DCC: variants seen among roughly 807,000 people sequenced by gnomAD.
DCC encodes DCC netrin 1 receptor.
Under a neutral mutation model 172.5 loss-of-function variants are expected in DCC, and 58 were observed. That is an observed-to-expected ratio of 0.34 (90% CI 0.27 to 0.42). DCC has a LOEUF of 0.42. Among genes scored for constraint, DCC ranks in the 10% least tolerant of loss-of-function variants. The pLI is 1.00. For missense variants in DCC, 1,740 were observed against 1,791.0 expected (o/e 0.97, Z 0.51); for synonymous variants, 709 against 644.5 (o/e 1.10, Z -1.52).
At chr18:52,962,433 A>G (rs1234763786) in intron 5 of DCC, among the ~76,000 whole-genome samples, 2 of 149,814 alleles carry the variant, frequency 1.3e-5, no homozygotes, top group Non-Finnish European at 3.0e-5. Context: ...TAGAATGGCA[A>G]TCATTAAAAA....
chr18:52,411,735 T>C (rs896834634), intron 1 of DCC, among the ~76,000 whole-genome samples: 1 of 152,170 alleles, frequency 6.6e-6, no homozygotes, highest in Admixed American at 6.6e-5. Flanking sequence ...GGCAATTTTC[T>C]GGGCACAAAT....
intron 2 of DCC, among the ~76,000 whole-genome samples, chr18:52,754,621 CT>C (rs2037051281): frequency 6.6e-6 from 1 of 152,214 alleles, no homozygotes; most frequent in South Asian, 2.1e-4. Context: ...AAATCAATGT[CT>C]GTTGTTTACA....
intron 2 of DCC, among the ~76,000 whole-genome samples, chr18:52,903,777 C>T (rs1463277785): frequency 8.5e-5 from 13 of 152,188 alleles, no homozygotes; most frequent in Admixed American, 8.5e-4. Context: ...TCATATCTGT[C>T]ACTACTCATT....
At chr18:53,092,840 T>G (rs2043033625) in intron 7 of DCC, among the ~76,000 whole-genome samples, 1 of 152,090 alleles carries the variant, frequency 6.6e-6, no homozygotes. Context: ...CCGAAACAAC[T>G]TGTTAAGGAA....
At chr18:52,882,014 C>T (rs897036109) in intron 2 of DCC, among the ~76,000 whole-genome samples, 1 of 151,984 alleles carries the variant, frequency 6.6e-6, no homozygotes, top group African/African-American at 2.4e-5. Flanking sequence ...AGATCTTTCA[C>T]TTCTTTGGTT....
chr18:52,698,685 A>G lies in DCC; in HGVS notation c.92-53369A>G, dbSNP rs182305811. ...ACAACCTCTGCTCACTGCAACCTCC[A>G]CCTCCCGGGTTCAAGCAATTCTCCT... is the stretch of plus-strand genomic sequence containing the variant. On this transcript the variant is annotated intron_variant, in intron 1 of 28. Transcript: ENST00000442544. Among the ~76,000 whole-genome samples, 25 of 147,712 alleles carry G rather than the reference A, an allele frequency of 1.7e-4. No homozygotes were observed. In the East Asian group the frequency reaches 3.6e-3, roughly 21 times the overall value.
At chr18:53,034,701 T>G (rs1234027687) in intron 5 of DCC, among the ~76,000 whole-genome samples, 1 of 73,832 alleles carries the variant, frequency 1.4e-5, no homozygotes, top group East Asian at 5.3e-4. Context: ...CTGCTCCAAC[T>G]TTTTTTTTTT....
At chr18:52,551,291 A>C (rs1475142490) in intron 1 of DCC, among the ~76,000 whole-genome samples, 1 of 151,988 alleles carries the variant, frequency 6.6e-6, no homozygotes, top group Non-Finnish European at 1.5e-5. Context: ...GAAAAGAAAA[A>C]GGTAGCAAGG....
chr18:52,706,735 G>A (rs1047795165), intron 1 of DCC, among the ~76,000 whole-genome samples: 5 of 152,162 alleles, frequency 3.3e-5, no homozygotes, highest in Admixed American at 6.5e-5. Flanking sequence ...GCTATGTACT[G>A]GAAAGGGAGA....
At chr18:53,261,504 C>T (rs747892495) in intron 12 of DCC, among the ~76,000 whole-genome samples, 3 of 152,160 alleles carry the variant, frequency 2.0e-5, no homozygotes, top group Non-Finnish European at 2.9e-5. Context: ...ATCACCACAA[C>T]TTAATCTGAT....
intron 1 of DCC, among the ~76,000 whole-genome samples, chr18:52,494,164 T>C (rs1043815123): frequency 1.3e-5 from 2 of 152,116 alleles, no homozygotes; most frequent in Non-Finnish European, 2.9e-5. Context: ...AGGTCAACTA[T>C]TATTTCTCCT....
intron 1 of DCC, among the ~76,000 whole-genome samples, chr18:52,604,978 C>G (rs1320060291): frequency 6.6e-6 from 1 of 151,592 alleles, no homozygotes; most frequent in African/African-American, 2.4e-5. Context: ...GCACACTCAT[C>G]TGTTTGGGGC....
intron 5 of DCC, among the ~76,000 whole-genome samples, chr18:52,977,740 C>A (rs55704566): frequency 1.3e-5 from 2 of 151,590 alleles, no homozygotes; most frequent in Non-Finnish European, 2.9e-5. Context: ...AAAAAATTAG[C>A]CGGACGTGGT....
At chr18:52,873,707 T>G (rs1387700255) in intron 2 of DCC, among the ~76,000 whole-genome samples, 1 of 152,174 alleles carries the variant, frequency 6.6e-6, no homozygotes, top group African/African-American at 2.4e-5. Flanking sequence ...GTCTTGTGGG[T>G]ATATGACAAT....
At chr18:53,022,537 A>ATGTGTGTG (rs1480008540) in intron 5 of DCC, among the ~76,000 whole-genome samples, 1 of 109,826 alleles carries the variant, frequency 9.1e-6, no homozygotes, top group African/African-American at 3.4e-5. Flanking sequence ...TTTTATATAT[A>ATGTGTGTG]TATGTGCGTG....
At chr18:52,427,465 A>G (rs1299424259) in intron 1 of DCC, among the ~76,000 whole-genome samples, 1 of 152,164 alleles carries the variant, frequency 6.6e-6, no homozygotes, top group Non-Finnish European at 1.5e-5. Context: ...GATTTGGATC[A>G]GTTATACCCA....
intron 9 of DCC, among the ~76,000 whole-genome samples, chr18:53,201,560 A>G (rs1373290296): frequency 2.6e-5 from 4 of 152,222 alleles, no homozygotes; most frequent in Non-Finnish European, 4.4e-5. Flanking sequence ...GAATATATCA[A>G]TAATAGTATA....
chr18:52,423,615 C>A (rs923507691), intron 1 of DCC, among the ~76,000 whole-genome samples: 24 of 151,954 alleles, frequency 1.6e-4, no homozygotes, highest in African/African-American at 5.5e-4. Context: ...AAATTCTAGT[C>A]AAAAAATGAC....
chr18:52,876,546 A>G lies in DCC; in HGVS notation c.413-29498A>G, dbSNP rs527435462. 2.2e-3 allele frequency among the ~76,000 whole-genome samples: 328 copies of G among 152,368 alleles called. 1 individual carries two copies. Among genetic ancestry groups the G allele is most frequent in the Non-Finnish European group, 3.4e-3 (234 of 68,034 alleles). ...AAACATAGATGTATTTTCTCAAGCCATAGAACTGTGCTTTATAGTGACAAT... is the reference window on the plus strand; with the variant it reads ...AAACATAGATGTATTTTCTCAAGCCGTAGAACTGTGCTTTATAGTGACAAT... On this transcript the variant is annotated intron_variant, in intron 2 of 28. Transcript: ENST00000442544.
Sources: gnomAD v4.1 joint callset for allele counts (sites outside exome capture counted in the v4.1 genomes callset) on GRCh38, gnomAD v4.1.1 for gene constraint, MANE v1.5 for transcripts, NCBI Gene and HGNC (gene_info 2026-07-23, HGNC 2026-07-21) for gene names.